Variants in TRIM2 observed in about 807,000 individuals in gnomAD.
TRIM2 encodes tripartite motif containing 2, also known as tripartite motif-containing protein 2.
In TRIM2, 20 loss-of-function variants were observed where a neutral mutation model predicts 75.2. The ratio of observed to expected loss-of-function variants is 0.27; its 90% confidence interval spans 0.19 to 0.39. The LOEUF is 0.39. Ranked by LOEUF, TRIM2 falls within the 10% of genes least tolerant of loss-of-function variation. The pLI is 1.00. For synonymous variants in TRIM2, 373 were observed against 388.3 expected (o/e 0.96, Z 0.46); for missense variants, 660 against 990.8 (o/e 0.67, Z 4.48).
rs1192077857 is a variant in TRIM2 at position 153,295,744 on chromosome 4, G to A, written c.1218G>A (p.Gly406=). 6.2e-7 allele frequency: 1 copy of A among 1,614,012 alleles called. No homozygotes were observed. ...LSTPDGSVAD[G]EILDNKNGTY... is the part of the protein sequence containing the mutation. ...CCCCCGACGGGAGCGTGGCAGACGG[G>A]GAGATCCTGGACAACAAGAACGGCA... The change falls in exon 6 of 12, where the codon GGG becomes GGA. Residue 406 remains glycine, a synonymous_variant. Coordinates refer to ENST00000338700, the MANE Select transcript of TRIM2 (RefSeq NM_015271.5). This position sits in a 1 kb window ranked among gnomAD's most constrained non-coding sequence, Gnocchi z 7.2.
At chr4:153,158,457 A>G (rs1013029793) in intron 1 of TRIM2, among the ~76,000 whole-genome samples, 1 of 152,234 alleles carries the variant, frequency 6.6e-6, no homozygotes, top group Non-Finnish European at 1.5e-5. Flanking sequence ...CCTAAGGTAT[A>G]GTGATATGTA....
intron 3 of TRIM2, among the ~76,000 whole-genome samples, chr4:153,289,979 G>C (rs1313204152): frequency 2.0e-5 from 3 of 152,194 alleles, no homozygotes; most frequent in Non-Finnish European, 4.4e-5. Context: ...GTGACAACCT[G>C]CTTTAAAGAG....
chr4:153,220,103 G>A (rs1259469967), intron 1 of TRIM2, among the ~76,000 whole-genome samples: 1 of 152,156 alleles, frequency 6.6e-6, no homozygotes, highest in Non-Finnish European at 1.5e-5. Flanking sequence ...AAGAGACGGG[G>A]AGTTCATTGC....
At position 153,244,153 on chromosome 4, in the gene TRIM2, GTTCTTCTTC is replaced by G. The variant is rs751441750; in HGVS notation, c.31-26162_31-26154del. On this transcript the variant is annotated intron_variant, in intron 1 of 11. Transcript: ENST00000338700. Reference sequence around the variant, plus strand: ...TCTTCTTCTTCTTCTTGTTCTTCTTGTTCTTCTTCTTCTTCTTCTTCTTCTTCTCCTCCT... The same window carrying G: ...TCTTCTTCTTCTTCTTGTTCTTCTTGTTCTTCTTCTTCTTCTTCTCCTCCT... Among the ~76,000 whole-genome samples, 835 of 111,364 alleles carry G rather than the reference GTTCTTCTTC, an allele frequency of 7.5e-3. 15 individuals are homozygous for G. Among genetic ancestry groups the G allele is most frequent in the African/African-American group, 0.014 (420 of 29,976 alleles). The allele number at this position is 111,364 out of a possible 152,430, so 73.1% of individuals were successfully genotyped here.
intron 1 of TRIM2, among the ~76,000 whole-genome samples, chr4:153,206,512 A>C (rs916957101): frequency 3.3e-5 from 5 of 152,066 alleles, no homozygotes; most frequent in African/African-American, 1.2e-4. Context: ...AGGGTCTTGG[A>C]GCTTTCATGT....
At position 153,295,225 on chromosome 4, in the gene TRIM2, G is replaced by C; in HGVS notation, c.787-88G>C. 2 of 1,448,918 alleles carry C rather than the reference G, an allele frequency of 1.4e-6. No individual in the cohort carries two copies. The highest frequency in any genetic ancestry group is 2.8e-5 in the Admixed American group (1 of 35,542). The allele number at this position is 1,448,918 out of a possible 1,614,324, so 89.8% of individuals were successfully genotyped here. ...AGAGCCACCTGCGTGGGCAGGTGTA[G>C]AGTCTCCTTCTCGCCGGTGGAGGGC... On this transcript the variant is annotated intron_variant, in intron 5 of 11. Coordinates refer to ENST00000338700, the MANE Select transcript of TRIM2 (RefSeq NM_015271.5). The surrounding 1 kb of genome is among the most constrained non-coding windows in gnomAD (Gnocchi z 7.2).
intron 1 of TRIM2, among the ~76,000 whole-genome samples, chr4:153,180,923 T>C (rs1731993681): frequency 6.6e-6 from 1 of 152,252 alleles, no homozygotes; most frequent in East Asian, 1.9e-4. Context: ...GGCATTGTCC[T>C]GAGTGCTGGG....
intron 1 of TRIM2, among the ~76,000 whole-genome samples, chr4:153,186,687 C>T (rs1732631728): frequency 6.6e-6 from 1 of 152,228 alleles, no homozygotes; most frequent in African/African-American, 2.4e-5. Flanking sequence ...AAAGGGGAAG[C>T]CTTTCCCACG....
rs73854657 is a variant in TRIM2, at chr4:153,327,239, C to T, written c.2023-1291C>T. On this transcript the variant is annotated intron_variant, in intron 10 of 11. Transcript: ENST00000338700. The stretch of plus-strand genomic sequence containing the variant: ...AGGTGGCTTGCTTTCTTGGCAAGTA[C>T]GTAATGAATTCAGGAAGTAGCCATG... 5.3e-3 allele frequency among the ~76,000 whole-genome samples: 809 copies of T among 152,228 alleles called. 10 individuals are homozygous for T. Among genetic ancestry groups the T allele is most frequent in the African/African-American group, 0.018 (768 of 41,546 alleles).
At chr4:153,241,505 G>A (rs1378747378) in intron 1 of TRIM2, among the ~76,000 whole-genome samples, 1 of 152,178 alleles carries the variant, frequency 6.6e-6, no homozygotes, top group Admixed American at 6.5e-5. Flanking sequence ...GGATTCAAAG[G>A]GGGCAGAGTG....
Position 153,335,927 on chromosome 4 carries a change from A to G in TRIM2, c.*961A>G. The G allele has an allele frequency of 5.1e-6, 5 of 985,862 alleles. No individual in the cohort carries two copies. The highest frequency in any genetic ancestry group is 6.0e-6 in the Non-Finnish European group (5 of 829,924). 61.1% of individuals were successfully genotyped at this position (985,862 alleles called of 1,614,324 possible). ...CAGAGAGCCATAAGTAGCCCTTTGG[A>G]GGACTGATGGTGTCAACCAAAGGCA... On this transcript the variant is annotated 3_prime_UTR_variant, in exon 12 of 12. Coordinates refer to ENST00000338700, the MANE Select transcript of TRIM2 (RefSeq NM_015271.5).
chr4:153,276,347 A>C, intron 3 of TRIM2: 1 of 589,190 alleles, frequency 1.7e-6, no homozygotes, highest in Non-Finnish European at 3.0e-6. Flanking sequence ...TCCTTCACAC[A>C]TATTGTTGGT....
At chr4:153,270,662 T>C in intron 2 of TRIM2, 143 bp downstream of exon 2, 1 of 708,294 alleles carries the variant, frequency 1.4e-6, no homozygotes, top group Non-Finnish European at 2.2e-6. Flanking sequence ...AAAAACAGAA[T>C]CATGAGTTGC....
chr4:153,184,803 G>A (rs1374781712), intron 1 of TRIM2, among the ~76,000 whole-genome samples: 1 of 152,158 alleles, frequency 6.6e-6, no homozygotes, highest in Admixed American at 6.5e-5. Flanking sequence ...TCTCAGATAC[G>A]AGAAACCTCA....
chr4:153,247,995 G>GTTT (rs34416658), intron 1 of TRIM2, among the ~76,000 whole-genome samples: 21 of 128,736 alleles, frequency 1.6e-4, no homozygotes, highest in African/African-American at 3.3e-4. Context: ...TGGATCATGT[G>GTTT]TTTTTTTTTT....
At chr4:153,298,444 A>T (rs777292452) in intron 6 of TRIM2, among the ~76,000 whole-genome samples, 4 of 152,090 alleles carry the variant, frequency 2.6e-5, no homozygotes, top group Non-Finnish European at 5.9e-5. Flanking sequence ...TCACATAGTC[A>T]TCTCTTTGTG....
chr4:153,232,014 G>A (rs1269492263), intron 1 of TRIM2, among the ~76,000 whole-genome samples: 2 of 152,036 alleles, frequency 1.3e-5, no homozygotes, highest in Non-Finnish European at 2.9e-5. Flanking sequence ...TTGGATTGCG[G>A]ATGCTCAACC....
intron 1 of TRIM2, among the ~76,000 whole-genome samples, chr4:153,251,583 C>T (rs575077966): frequency 7.2e-5 from 11 of 152,216 alleles, no homozygotes; most frequent in African/African-American, 2.4e-4. Flanking sequence ...TATGGATGCA[C>T]ATTGTGTAAT....
Position 153,335,632 on chromosome 4 carries a change from G to A in TRIM2, c.*666G>A. 1.0e-6 allele frequency: 1 copy of A among 985,272 alleles called. No individual in the cohort carries two copies. The highest frequency in any genetic ancestry group is 1.2e-6 in the Non-Finnish European group (1 of 829,910). The allele number at this position is 985,272 out of a possible 1,614,324, so 61.0% of individuals were successfully genotyped here. ...TGTGTGTTCTTTTCACCACCCCTTTGGCTCACCTTGTATCAGCAAACAAAG... is the reference window on the plus strand; with the variant it reads ...TGTGTGTTCTTTTCACCACCCCTTTAGCTCACCTTGTATCAGCAAACAAAG... On this transcript the variant is annotated 3_prime_UTR_variant, in exon 12 of 12. Transcript: ENST00000338700.
Sources: allele counts gnomAD v4.1 joint callset (sites outside exome capture counted in the v4.1 genomes callset), GRCh38; gene constraint gnomAD v4.1.1; non-coding constraint Gnocchi (gnomAD v3.1); transcripts MANE v1.5; gene names NCBI Gene and HGNC (gene_info 2026-07-23, HGNC 2026-07-21).